The following IL3RA variants were observed in gnomAD, a reference collection of about 807,000 sequenced individuals.
IL3RA encodes the protein interleukin-3 receptor subunit alpha.
Under a neutral mutation model 52.3 loss-of-function variants are expected in IL3RA, and 73 were observed. The observed-to-expected ratio is 1.40, with a 90% confidence interval of 1.16 to 1.70. The LOEUF (loss-of-function observed/expected upper bound fraction) is 1.70, where lower values mean the gene tolerates loss of function less well. IL3RA is among the 40% of genes most tolerant of loss of function. The pLI is 0.00. For synonymous variants in IL3RA, 260 were observed against 194.0 expected, an observed-to-expected ratio of 1.34 and a Z score of -2.83; for missense variants, 664 against 504.4, an observed-to-expected ratio of 1.32 and a Z score of -3.03.
chrX:1,376,920 C>T (rs1384916324), intron 9 of IL3RA, among the ~76,000 whole-genome samples: 1 of 139,166 alleles, frequency 7.2e-6, no homozygotes, highest in Non-Finnish European at 1.5e-5. Flanking sequence ...TCAGGAGGAA[C>T]CAGCCCTGCC....
At chrX:1,354,472 G>A (rs1388596056) in intron 6 of IL3RA, among the ~76,000 whole-genome samples, 2 of 142,806 alleles carry the variant, frequency 1.4e-5, no homozygotes, top group Non-Finnish European at 3.0e-5. Context: ...AGAGAAGGGA[G>A]GAGAGGAAGA....
At chrX:1,377,993 C>G (rs1820431451) in intron 9 of IL3RA, among the ~76,000 whole-genome samples, 1 of 151,180 alleles carries the variant, frequency 6.6e-6, no homozygotes, top group South Asian at 2.1e-4. Flanking sequence ...CAAGACCAGC[C>G]TAACGAAGAT....
At position 1,351,672 on chromosome X, in the gene IL3RA, A is replaced by G. The variant is rs28621730; in HGVS notation, c.299-428A>G. 9.1e-3 allele frequency among the ~76,000 whole-genome samples: 1,336 copies of G among 147,162 alleles called. 22 individuals carry two copies. Among genetic ancestry groups the G allele is most frequent in the African/African-American group, 0.031 (1,247 of 39,686 alleles). Reference sequence around the variant, plus strand: ...GAGACGAAGGCTCACTCTGTCGCCCAGGCTGGAGTGCAGTGGCGTGATCTC... The same window carrying G: ...GAGACGAAGGCTCACTCTGTCGCCCGGGCTGGAGTGCAGTGGCGTGATCTC... On this transcript the variant is annotated intron_variant, in intron 4 of 11. Coordinates refer to ENST00000331035, the MANE Select transcript of IL3RA (RefSeq NM_002183.4).
At chrX:1,356,972 G>C (rs1263613692) in intron 7 of IL3RA, among the ~76,000 whole-genome samples, 3 of 151,866 alleles carry the variant, frequency 2.0e-5, no homozygotes, top group Non-Finnish European at 2.9e-5. Context: ...TTTATTTATT[G>C]AGCCACTCTG....
At chrX:1,380,521 AG>A (rs1482690661) in intron 10 of IL3RA, among the ~76,000 whole-genome samples, 10 of 9,874 alleles carry the variant, frequency 1.0e-3, no homozygotes, top group Admixed American at 8.1e-4. Flanking sequence ...GGAAGGGAAG[AG>A]GGGGAGGAGG....
rs1300478699 is a variant in IL3RA, at chrX:1,352,995, G to A, written c.616+489G>A. ...CATGGTTCATAGGATCCCCCATCATGGGTTTCATCATGAGTCATAGAACCC... is the reference window on the plus strand; with the variant it reads ...CATGGTTCATAGGATCCCCCATCATAGGTTTCATCATGAGTCATAGAACCC... On this transcript the variant is annotated intron_variant, in intron 6 of 11. Coordinates refer to ENST00000331035, the MANE Select transcript of IL3RA (RefSeq NM_002183.4). Among the ~76,000 whole-genome samples, 3 of 123,308 alleles carry A rather than the reference G, an allele frequency of 2.4e-5. 1 individual carries two copies. The highest frequency in any genetic ancestry group is 5.3e-5 in the Non-Finnish European group (3 of 56,818). The allele number at this position is 123,308 out of a possible 152,430, so 80.9% of individuals were successfully genotyped here.
chrX:1,346,672 T>C (rs1246210169), intron 3 of IL3RA, among the ~76,000 whole-genome samples: 3 of 149,524 alleles, frequency 2.0e-5, no homozygotes, highest in Non-Finnish European at 2.9e-5. Flanking sequence ...AAGGTCCTCA[T>C]CACGAAATCC....
rs182300657 is a variant in IL3RA, at chrX:1,348,297, G to C, written c.184-134G>C. The C allele has an allele frequency of 2.8e-3, 2,008 of 715,732 alleles. 35 individuals are homozygous for C. In the Admixed American group the frequency reaches 0.036, roughly 13 times the overall value. 44.3% of individuals were successfully genotyped at this position (715,732 alleles called of 1,614,324 possible). A position where few individuals can be genotyped will look rare whatever the true frequency, so the allele number is the denominator to read the frequency against. ...GAACCCGGGAGGGAGAGGCTGCAGT[G>C]AGCCGAGATCACGCCACTGCACTCC... On this transcript the variant is annotated intron_variant, in intron 3 of 11. Coordinates refer to ENST00000331035, the MANE Select transcript of IL3RA (RefSeq NM_002183.4).
At chrX:1,357,759 T>C (rs2086847208) in intron 7 of IL3RA, among the ~76,000 whole-genome samples, 1 of 151,834 alleles carries the variant, frequency 6.6e-6, no homozygotes, top group African/African-American at 2.4e-5. Context: ...TAATTTCTTT[T>C]ATATTACCAA....
At chrX:1,341,248 C>T (rs111862862) in intron 1 of IL3RA, among the ~76,000 whole-genome samples, 19 of 151,932 alleles carry the variant, frequency 1.3e-4, no homozygotes, top group African/African-American at 4.4e-4. Flanking sequence ...TGCAATGAGC[C>T]GAGATCATGC....
At position 1,382,663 on chromosome X, in the gene IL3RA, T is replaced by G; in HGVS notation, c.*198T>G. 1 of 576,138 alleles carries G rather than the reference T, an allele frequency of 1.7e-6. No homozygotes were observed. Among genetic ancestry groups the G allele is most frequent in the East Asian group, 2.8e-5 (1 of 35,758 alleles). 35.7% of individuals were successfully genotyped at this position (576,138 alleles called of 1,614,324 possible). ...AGAACTTTGTGTGTTTATTTCATGA[T>G]AAAGTGATTTTTTTTTTTTTAACCC... On this transcript the variant is annotated 3_prime_UTR_variant, in exon 12 of 12. Coordinates refer to ENST00000331035, the MANE Select transcript of IL3RA (RefSeq NM_002183.4).
Position 1,368,391 on chromosome X carries a change from C to A in IL3RA, c.874+3139C>A, listed in dbSNP as rs17880438. ...CCTGAGGTCAGGAGTTCGAGACCAG[C>A]CTGACCAACATGGAAAAACCCTGTC... On this transcript the variant is annotated intron_variant, in intron 9 of 11. Coordinates refer to ENST00000331035, the MANE Select transcript of IL3RA (RefSeq NM_002183.4). Among the ~76,000 whole-genome samples the A allele has an allele frequency of 2.4e-4, 36 of 152,092 alleles. No homozygotes were observed. In the East Asian group the frequency reaches 6.8e-3, roughly 29 times the overall value.
At chrX:1,359,782 C>A (rs1390530437) in intron 8 of IL3RA, among the ~76,000 whole-genome samples, 1 of 150,392 alleles carries the variant, frequency 6.6e-6, no homozygotes, top group Non-Finnish European at 1.5e-5. Flanking sequence ...CATTCTCCCT[C>A]CCTCTTTTAT....
chrX:1,382,312 A>G lies in IL3RA; in HGVS notation c.1063-79A>G, dbSNP rs180951332. ...GCCCACAGAGCAGATCTGAGATGGG[A>G]CAGGCCCCCGCAGATCAGGACGTGG... is the stretch of plus-strand genomic sequence containing the variant. On this transcript the variant is annotated intron_variant, in intron 11 of 11. Transcript: ENST00000331035. The G allele has an allele frequency of 2.1e-3, 1,666 of 778,842 alleles. 22 individuals are homozygous for G. In the African/African-American group the frequency reaches 0.062, roughly 29 times the overall value. 48.2% of individuals were successfully genotyped at this position (778,842 alleles called of 1,614,324 possible).
chrX:1,364,555 C>T (rs1254168103), intron 8 of IL3RA, among the ~76,000 whole-genome samples: 1 of 151,904 alleles, frequency 6.6e-6, no homozygotes, highest in East Asian at 1.9e-4. Context: ...AGGCTGGTCT[C>T]AAACTCCTAA....
At chrX:1,376,846 C>G (rs1863459141) in intron 9 of IL3RA, among the ~76,000 whole-genome samples, 1 of 76,408 alleles carries the variant, frequency 1.3e-5, no homozygotes, top group Admixed American at 1.6e-4. Context: ...CACAGACACA[C>G]ACGGAGGGAC....
chrX:1,352,047 G>A, intron 4 of IL3RA, 53 bp from the exon 5 acceptor site: 3 of 1,595,480 alleles, frequency 1.9e-6, no homozygotes, highest in Non-Finnish European at 2.6e-6. Flanking sequence ...TGACAGGCGT[G>A]AGCCACCGCG....
chrX:1,376,849 G>A (rs71212482), intron 9 of IL3RA, among the ~76,000 whole-genome samples: 3,550 of 70,730 alleles, frequency 0.05, 1,217 homozygotes, highest in African/African-American at 0.3. Flanking sequence ...AGACACACAC[G>A]GAGGGACGAC....
rs1316005626 is a variant in IL3RA, at chrX:1,344,807, C to T, written c.65-509C>T. 3.3e-5 allele frequency among the ~76,000 whole-genome samples: 5 copies of T among 151,288 alleles called. No individual in the cohort carries two copies. In the East Asian group the frequency reaches 5.9e-4, roughly 18 times the overall value. On this transcript the variant is annotated intron_variant, in intron 2 of 11. Transcript: ENST00000331035. The stretch of plus-strand genomic sequence containing the variant: ...AAAAAATTTAAAAAAATAAAGAACT[C>T]GACCTCCCAAAGGTATTGGCTAACT...
Sources: gnomAD v4.1 joint callset for allele counts (sites outside exome capture counted in the v4.1 genomes callset) on GRCh38, gnomAD v4.1.1 for gene constraint, MANE v1.5 for transcripts, NCBI Gene and HGNC (gene_info 2026-07-23, HGNC 2026-07-21) for gene names.